Variants in SPRING1 observed in about 807,000 individuals in gnomAD.
SPRING1 encodes SREBF pathway regulator in golgi 1.
A neutral mutation model predicts 24.7 loss-of-function variants in SPRING1; 14 were observed. The ratio of observed to expected loss-of-function variants is 0.57; its 90% CI spans 0.37 to 0.88. SPRING1 has a LOEUF of 0.88. Among genes scored for constraint, SPRING1 ranks in the 40% least tolerant of loss-of-function variants. The probability of loss-of-function intolerance (pLI) is 0.00; values close to 1 mark genes in which losing one functional copy is unlikely to be tolerated. For missense variants in SPRING1, 255 were observed against 268.4 expected (o/e 0.95, Z 0.35); for synonymous variants, 93 against 106.1 (o/e 0.88, Z 0.76).
rs1870370827 is a variant in SPRING1 at position 116,720,414 on chromosome 12, T to C, written c.302A>G (p.Asn101Ser). ...AGGGACGTTGACATTACAGCAGCCA[T>C]TTACCAGCAAATCCTTCCTCTCGCA... ...YVCERKDLLV[N>S]GCCNVNVPST... is the part of the protein sequence containing the mutation. The change falls in exon 3 of 5, where the codon AAT (asparagine) becomes AGT (serine). Residue 101 changes from asparagine (N) to serine (S), a missense_variant. Coordinates refer to ENST00000261318, the MANE Select transcript of SPRING1 (RefSeq NM_024738.4). The surrounding 1 kb of genome is among the most constrained non-coding windows in gnomAD (Gnocchi z 4.0). The C allele has an allele frequency of 6.2e-7, 1 of 1,614,102 alleles. No homozygotes were observed. Among genetic ancestry groups the C allele is most frequent in the Admixed American group, 1.7e-5 (1 of 60,012 alleles).
At chr12:116,729,067 A>C (rs1032882074) in intron 1 of SPRING1, among the ~76,000 whole-genome samples, 3 of 152,236 alleles carry the variant, frequency 2.0e-5, no homozygotes, top group Non-Finnish European at 1.5e-5. Flanking sequence ...AATTCGGTAC[A>C]TGAGTTTTTT....
At position 116,715,104 on chromosome 12, in the gene SPRING1, T is replaced by G. The variant is rs925769667; in HGVS notation, c.*2706A>C. ...CACACGCCCCCACACCCGGCTAATT[T>G]TTGTATTTTTAGTATAGATGGGGTT... On this transcript the variant is annotated 3_prime_UTR_variant, in exon 5 of 5. Coordinates refer to ENST00000261318, the MANE Select transcript of SPRING1 (RefSeq NM_024738.4). 2 of 151,994 alleles carry G rather than the reference T, an allele frequency of 1.3e-5. No individual in the cohort carries two copies. The highest frequency in any genetic ancestry group is 4.8e-5 in the African/African-American group (2 of 41,368). The allele number at this position is 151,994 out of a possible 1,614,324, so 9.4% of individuals were successfully genotyped here.
intron 1 of SPRING1, among the ~76,000 whole-genome samples, chr12:116,733,009 A>T (rs1198254104): frequency 6.6e-6 from 1 of 152,238 alleles, no homozygotes; most frequent in East Asian, 1.9e-4. Flanking sequence ...ATCTTCAACC[A>T]CTAGTCAGGG....
chr12:116,737,525 G>C (rs1280833493), intron 1 of SPRING1, among the ~76,000 whole-genome samples: 1 of 54,080 alleles, frequency 1.8e-5, no homozygotes, highest in Admixed American at 2.1e-4. Flanking sequence ...GGGGAGGAAG[G>C]AAGGAGGAGG....
At position 116,720,007 on chromosome 12, in the gene SPRING1, G is replaced by A; in HGVS notation, c.421-131C>T. 2.4e-6 allele frequency: 2 copies of A among 839,476 alleles called. No homozygotes were observed. The highest frequency in any genetic ancestry group is 3.8e-6 in the Non-Finnish European group (2 of 523,300). The allele number at this position is 839,476 out of a possible 1,614,324, so 52.0% of individuals were successfully genotyped here. On this transcript the variant is annotated intron_variant, in intron 3 of 4. Coordinates refer to ENST00000261318, the MANE Select transcript of SPRING1 (RefSeq NM_024738.4). This position sits in a 1 kb window ranked among gnomAD's most constrained non-coding sequence, Gnocchi z 4.0. The stretch of plus-strand genomic sequence containing the variant: ...AAGAGGAGGAGAAAAGGAGGGAGGG[G>A]AAAGGACACACGCGTGCACACACGT...
chr12:116,737,524 GGAA>G, intron 1 of SPRING1, among the ~76,000 whole-genome samples: 1 of 57,354 alleles, frequency 1.7e-5, no homozygotes, highest in South Asian at 5.9e-4. Flanking sequence ...GGGGGAGGAA[GGAA>G]GGAGGAGGAA....
Position 116,717,832 on chromosome 12 carries a change from G to T in SPRING1, c.596C>A (p.Pro199Gln). The T allele has an allele frequency of 6.2e-7, 1 of 1,603,602 alleles. No homozygotes were observed. ...PIAKYCYGES[P>Q]PELFPA ...CCGTCAAGCGGGGAAGAGCTCGGGC[G>T]GGCTTTCTCCATAGCAATACTTTGC... is the stretch of plus-strand genomic sequence containing the variant. The change falls in exon 5 of 5, where the codon CCG becomes CAG. Residue 199 changes from proline to glutamine, a missense_variant. Coordinates refer to ENST00000261318, the MANE Select transcript of SPRING1 (RefSeq NM_024738.4). The surrounding 1 kb of genome is among the most constrained non-coding windows in gnomAD (Gnocchi z 4.2).
Position 116,713,330 on chromosome 12 carries a change from T to TA in SPRING1, c.*4479dup. On this transcript the variant is annotated 3_prime_UTR_variant, in exon 5 of 5. Coordinates refer to ENST00000261318, the MANE Select transcript of SPRING1 (RefSeq NM_024738.4). ...GAAGGGGACAAAGGCTGCTTTCATA[T>TA]AAAAATGTACTGTAGTAATCAGTAA... The TA allele has an allele frequency of 6.6e-6, 1 of 152,292 alleles. No individual in the cohort carries two copies. Among genetic ancestry groups the TA allele is most frequent in the East Asian group, 1.9e-4 (1 of 5,192 alleles). The allele number at this position is 152,292 out of a possible 1,614,324, so 9.4% of individuals were successfully genotyped here. A position where few individuals can be genotyped will look rare whatever the true frequency, so the allele number is the denominator to read the frequency against.
chr12:116,733,466 G>A (rs1174087217), intron 1 of SPRING1, among the ~76,000 whole-genome samples: 1 of 149,210 alleles, frequency 6.7e-6, no homozygotes, highest in Non-Finnish European at 1.5e-5. Context: ...TTACAGGCGT[G>A]AGCCACTGCG....
At chr12:116,724,878 G>A (rs1407230310) in intron 1 of SPRING1, among the ~76,000 whole-genome samples, 1 of 152,158 alleles carries the variant, frequency 6.6e-6, no homozygotes, top group Non-Finnish European at 1.5e-5. Context: ...GCCCACCTAT[G>A]GGCAGGAAAA....
intron 1 of SPRING1, among the ~76,000 whole-genome samples, chr12:116,732,318 G>A (rs566961203): frequency 1.8e-4 from 28 of 152,314 alleles, no homozygotes; most frequent in African/African-American, 5.8e-4. Context: ...GCTCACACCT[G>A]TAATCCCAGC....
At chr12:116,729,873 TTTTA>T (rs1214587146) in intron 1 of SPRING1, among the ~76,000 whole-genome samples, 2 of 152,184 alleles carry the variant, frequency 1.3e-5, no homozygotes, top group African/African-American at 4.8e-5. Flanking sequence ...TATACTACTT[TTTTA>T]TTTTTGTTTT....
intron 1 of SPRING1, among the ~76,000 whole-genome samples, chr12:116,733,245 C>T (rs758455856): frequency 2.6e-5 from 4 of 151,808 alleles, no homozygotes; most frequent in African/African-American, 2.4e-5. Context: ...TGCACTGGTG[C>T]GATCTCGGCT....
chr12:116,727,156 T>G (rs1870738665), intron 1 of SPRING1, among the ~76,000 whole-genome samples: 3 of 152,234 alleles, frequency 2.0e-5, no homozygotes, highest in Non-Finnish European at 4.4e-5. Flanking sequence ...CATATTTATA[T>G]TTTTTCACTC....
chr12:116,710,476 A>G lies in SPRING1; in HGVS notation c.*7334T>C, dbSNP rs142807098. On this transcript the variant is annotated 3_prime_UTR_variant, in exon 5 of 5. Coordinates refer to ENST00000261318, the MANE Select transcript of SPRING1 (RefSeq NM_024738.4). ...TGTGTATCTCAGGTGAAGCACACCT[A>G]AATAATTGAGCACTGCATTAAGGCT... 6.6e-6 allele frequency: 1 copy of G among 152,342 alleles called. No homozygotes were observed. The highest frequency in any genetic ancestry group is 1.5e-5 in the Non-Finnish European group (1 of 68,024). The allele number at this position is 152,342 out of a possible 1,614,324, so 9.4% of individuals were successfully genotyped here.
rs1870519782 is a variant in SPRING1, at chr12:116,723,153, A to G, written c.182T>C (p.Val61Ala). 6.2e-7 allele frequency: 1 copy of G among 1,613,838 alleles called. No homozygotes were observed. Among genetic ancestry groups the G allele is most frequent in the East Asian group, 2.2e-5 (1 of 44,888 alleles). ...HDHNQPIPWK[V>A]QFNLGNSSRP... Reference sequence around the variant, plus strand: ...ACTGCTATTGCCCAAGTTAAACTGCACTTTCCACGGGATGGGCTGATTATG... The same window carrying G: ...ACTGCTATTGCCCAAGTTAAACTGCGCTTTCCACGGGATGGGCTGATTATG... The change falls in exon 2 of 5, where the codon GTG becomes GCG. Residue 61 changes from valine to alanine, a missense_variant. Coordinates refer to ENST00000261318, the MANE Select transcript of SPRING1 (RefSeq NM_024738.4).
Position 116,728,662 on chromosome 12 carries a change from G to A in SPRING1, c.112-5439C>T, listed in dbSNP as rs572451780. Among the ~76,000 whole-genome samples, 36 of 152,338 alleles carry A rather than the reference G, an allele frequency of 2.4e-4. No individual in the cohort carries two copies. Among genetic ancestry groups the A allele is most frequent in the African/African-American group, 7.5e-4 (31 of 41,576 alleles). ...TCACCGCAGCGGAGCTAAGGTGCACGGGGAGCTTCACAGTGTTCATAGCGT... is the reference window on the plus strand; with the variant it reads ...TCACCGCAGCGGAGCTAAGGTGCACAGGGAGCTTCACAGTGTTCATAGCGT... On this transcript the variant is annotated intron_variant, in intron 1 of 4. Transcript: ENST00000261318. This position sits in a 1 kb window ranked among gnomAD's most constrained non-coding sequence, Gnocchi z 4.2.
Position 116,723,233 on chromosome 12 carries a change from A to G in SPRING1, c.112-10T>C. The G allele has an allele frequency of 6.2e-7, 1 of 1,614,060 alleles. No homozygotes were observed. The highest frequency in any genetic ancestry group is 8.5e-7 in the Non-Finnish European group (1 of 1,179,976). On this transcript the variant is annotated splice_polypyrimidine_tract_variant and intron_variant, in intron 1 of 4. Transcript: ENST00000261318. Reference sequence around the variant, plus strand: ...TCACTGCCCTCTCCTCCTGCAAAGAAACCATAAGTGAGAAGGTTAAGTATC... The same window carrying G: ...TCACTGCCCTCTCCTCCTGCAAAGAGACCATAAGTGAGAAGGTTAAGTATC...
In SPRING1 at chr12:116,710,839, C is replaced by T. The variant is rs1023762098; in HGVS notation, c.*6971G>A. 6.6e-6 allele frequency: 1 copy of T among 152,144 alleles called. No homozygotes were observed. Among genetic ancestry groups the T allele is most frequent in the Non-Finnish European group, 1.5e-5 (1 of 68,028 alleles). 9.4% of individuals were successfully genotyped at this position (152,144 alleles called of 1,614,324 possible). The stretch of plus-strand genomic sequence containing the variant: ...CTTTAACAGCCAGGGGGACTTTTGG[C>T]TTGTTACAAAAATTGGAATTTGGAT... On this transcript the variant is annotated 3_prime_UTR_variant, in exon 5 of 5. Coordinates refer to ENST00000261318, the MANE Select transcript of SPRING1 (RefSeq NM_024738.4).
Sources: allele counts gnomAD v4.1 joint callset (sites outside exome capture counted in the v4.1 genomes callset), GRCh38; gene constraint gnomAD v4.1.1; non-coding constraint Gnocchi (gnomAD v3.1); transcripts MANE v1.5; gene names NCBI Gene and HGNC (gene_info 2026-07-23, HGNC 2026-07-21).